The following TRIP12 variants were observed in gnomAD, a reference collection of about 807,000 sequenced individuals.
TRIP12 encodes E3 ubiquitin-protein ligase TRIP12.
Under a neutral mutation model 244.2 loss-of-function variants are expected in TRIP12, and 25 were observed. That is an observed-to-expected ratio of 0.10 (90% CI 0.07 to 0.14). TRIP12 has a LOEUF of 0.14. TRIP12 is among the 10% of genes least tolerant of loss of function. TRIP12 has a pLI of 1.00. For synonymous variants in TRIP12, 905 were observed against 873.1 expected (o/e 1.04, Z -0.64); for missense variants, 1,677 against 2,486.4 (o/e 0.67, Z 6.92).
intron 11 of TRIP12, chr2:229,814,602 G>T: frequency 3.4e-6 from 1 of 292,818 alleles, no homozygotes; most frequent in East Asian, 6.3e-5. Flanking sequence ...AAATAGATGA[G>T]TTGTTTTACA....
intron 1 of TRIP12, among the ~76,000 whole-genome samples, chr2:229,911,480 G>A (rs1288438062): frequency 1.3e-5 from 2 of 152,154 alleles, no homozygotes; most frequent in African/African-American, 4.8e-5. Flanking sequence ...TCTGTTAAAG[G>A]ATATAAAACT....
At position 229,788,895 on chromosome 2, in the gene TRIP12, T is replaced by A. The variant is rs1428975430; in HGVS notation, c.4741A>T (p.Ser1581Cys). 3.7e-6 allele frequency: 6 copies of A among 1,613,724 alleles called. No individual in the cohort carries two copies. Among genetic ancestry groups the A allele is most frequent in the Non-Finnish European group, 5.1e-6 (6 of 1,179,726 alleles). The change falls in exon 32 of 42, where the codon AGT (serine) becomes TGT (cysteine). Residue 1581 changes from serine to cysteine, a missense_variant. This residue lies in a region of TRIP12 where 265 missense variants were observed against 370.8 expected (regional missense o/e 0.71). Transcript: ENST00000675903. Reference protein sequence around the residue: ...EIIPTSEFINSKLTAKANRQL... With the variant: ...EIIPTSEFINCKLTAKANRQL... ...CTATTTGCTTTTGCTGTTAACTTAC[T>A]GTTAATAAATTCACTAGTTGGAATA...
chr2:229,790,548 G>T (rs971911494), intron 30 of TRIP12, among the ~76,000 whole-genome samples: 1 of 150,590 alleles, frequency 6.6e-6, no homozygotes, highest in East Asian at 1.9e-4. Flanking sequence ...GGAGGGGGGG[G>T]TGTCCTCCAT....
intron 34 of TRIP12, among the ~76,000 whole-genome samples, chr2:229,779,777 A>T (rs2037490598): frequency 6.6e-6 from 1 of 152,176 alleles, no homozygotes; most frequent in African/African-American, 2.4e-5. Context: ...TGGTATTATT[A>T]AACAAGTTCT....
chr2:229,851,656 C>T (rs1411787547), intron 4 of TRIP12, among the ~76,000 whole-genome samples: 3 of 152,150 alleles, frequency 2.0e-5, no homozygotes, highest in Non-Finnish European at 4.4e-5. Context: ...ACACTCACCG[C>T]GAAGATCTGC....
At chr2:229,767,779 A>G (rs2032279749) in intron 41 of TRIP12, 29 bp from the exon 42 acceptor site, 1 of 1,585,912 alleles carries the variant, frequency 6.3e-7, no homozygotes, top group East Asian at 2.2e-5. Flanking sequence ...AAGACAAGGA[A>G]CTTAAGTTTT....
chr2:229,829,124 T>C (rs1481395629), intron 8 of TRIP12, 69 bp downstream of exon 8: 4 of 1,411,704 alleles, frequency 2.8e-6, no homozygotes, highest in South Asian at 2.4e-5. Context: ...CTTACATCAA[T>C]AGGTTACAAG....
chr2:229,890,110 T>TG (rs1560153251), intron 1 of TRIP12, among the ~76,000 whole-genome samples: 3 of 150,644 alleles, frequency 2.0e-5, no homozygotes, highest in Non-Finnish European at 4.4e-5. Flanking sequence ...GATGGAGTCT[T>TG]GTTCTGTCGC....
chr2:229,798,210 C>T (rs751033389), intron 23 of TRIP12, among the ~76,000 whole-genome samples: 4 of 152,086 alleles, frequency 2.6e-5, no homozygotes, highest in African/African-American at 4.8e-5. Flanking sequence ...CAGAAACATG[C>T]GCCTATTAAG....
At chr2:229,907,784 CAG>C (rs10626706) in intron 1 of TRIP12, among the ~76,000 whole-genome samples, 2 of 152,018 alleles carry the variant, frequency 1.3e-5, no homozygotes, top group African/African-American at 4.8e-5. Context: ...GTCTAAACAA[CAG>C]AGAGACCTTA....
intron 20 of TRIP12, among the ~76,000 whole-genome samples, chr2:229,803,166 T>G (rs1393937818): frequency 6.6e-6 from 1 of 152,250 alleles, no homozygotes; most frequent in Non-Finnish European, 1.5e-5. Flanking sequence ...ACGGCTTCTA[T>G]CATTCTATCA....
intron 40 of TRIP12, 94 bp from the exon 41 acceptor site, chr2:229,768,813 T>G: frequency 1.7e-6 from 2 of 1,175,970 alleles, no homozygotes; most frequent in Non-Finnish European, 2.3e-6. Context: ...AAAATTAGAT[T>G]AGCACTTTTA....
In TRIP12 at chr2:229,891,160, C is replaced by T. The variant is rs142405589; in HGVS notation, c.-49-11032G>A. ...CTGGGGCTGGGCGCAGTGGCTGACA[C>T]CTGTAATGCCAGCACTTTTGGAGGC... On this transcript the variant is annotated intron_variant, in intron 1 of 41. Coordinates refer to ENST00000675903, the MANE Select transcript of TRIP12 (RefSeq NM_001348323.3). 6.6e-5 allele frequency among the ~76,000 whole-genome samples: 10 copies of T among 152,210 alleles called. No homozygotes were observed. The East Asian group carries it at 1.9e-3, about 29-fold the overall frequency.
Position 229,788,949 on chromosome 2 carries a change from T to G in TRIP12, c.4696-9A>C. 1 of 1,585,584 alleles carries G rather than the reference T, an allele frequency of 6.3e-7. No individual in the cohort carries two copies. The highest frequency in any genetic ancestry group is 1.9e-5 in the Admixed American group (1 of 52,862). On this transcript the variant is annotated splice_polypyrimidine_tract_variant and intron_variant, in intron 31 of 41. Coordinates refer to ENST00000675903, the MANE Select transcript of TRIP12 (RefSeq NM_001348323.3). The stretch of plus-strand genomic sequence containing the variant: ...TCCTTGCACATTGCATTCTGTAAAA[T>G]GTTTAAAAAAAAAAAAGTCTACATG...
intron 8 of TRIP12, 37 bp downstream of exon 8, chr2:229,829,156 T>C (rs1559692734): frequency 6.3e-7 from 1 of 1,585,040 alleles, no homozygotes; most frequent in Non-Finnish European, 8.7e-7. Context: ...GTTGGCTAAT[T>C]ATTGAGGGAT....
At chr2:229,805,617 T>C (rs1176951250) in intron 18 of TRIP12, 113 bp downstream of exon 18, 5 of 1,087,132 alleles carry the variant, frequency 4.6e-6, no homozygotes, top group African/African-American at 3.1e-5. Context: ...AAATTATTGT[T>C]ATGCAATTGT....
Position 229,859,040 on chromosome 2 carries a change from C to G in TRIP12, c.759G>C (p.Ser253=), listed in dbSNP as rs746987202. The G allele has an allele frequency of 5.6e-6, 9 of 1,614,050 alleles. No homozygotes were observed. In the East Asian group the frequency reaches 1.3e-4, roughly 24 times the overall value. ...STSSSSSAVA[S]ASSTVPPGAR... ...CACCTGGTGGTACAGTGGAGGAGGC[C>G]GAGGCTACAGCAGAAGACGAGGAGG... Residue 253 remains serine (S), a synonymous_variant, in exon 4 of 42, where the codon TCG becomes TCC. Transcript: ENST00000675903.
intron 2 of TRIP12, among the ~76,000 whole-genome samples, chr2:229,878,998 A>C (rs936170981): frequency 1.3e-5 from 2 of 151,280 alleles, no homozygotes; most frequent in Admixed American, 1.3e-4. Context: ...CACACCTATA[A>C]TCCCAGCACT....
intron 27 of TRIP12, 55 bp downstream of exon 27, chr2:229,792,918 T>TA: frequency 2.6e-6 from 4 of 1,535,520 alleles, no homozygotes. Context: ...ACTCTTAATG[T>TA]AAATTTCTCC....
Sources: gnomAD v4.1 joint callset for allele counts (sites outside exome capture counted in the v4.1 genomes callset) on GRCh38, gnomAD v4.1.1 for gene constraint, gnomAD v4.1.1 regional missense constraint, MANE v1.5 for transcripts, NCBI Gene and HGNC (gene_info 2026-07-23, HGNC 2026-07-21) for gene names.